Variants in CCNT2 observed in about 807,000 individuals in gnomAD.
CCNT2 encodes the protein cyclin-T2.
In CCNT2, 18 loss-of-function variants were observed where a neutral mutation model predicts 70.0. The observed-to-expected ratio is 0.26, with a 90% confidence interval of 0.18 to 0.38. The LOEUF (loss-of-function observed/expected upper bound fraction) is 0.38. Among genes scored for constraint, CCNT2 ranks in the 10% least tolerant of loss-of-function variants. The probability of loss-of-function intolerance (pLI) is 1.00; values close to 1 mark genes in which losing one functional copy is unlikely to be tolerated. For synonymous variants in CCNT2, 334 were observed against 313.3 expected (o/e 1.07, Z -0.70); for missense variants, 734 against 890.2 (o/e 0.82, Z 2.23).
intron 2 of CCNT2, among the ~76,000 whole-genome samples, chr2:134,921,776 A>G (rs1365543130): frequency 6.6e-6 from 1 of 152,250 alleles, no homozygotes; most frequent in Non-Finnish European, 1.5e-5. Context: ...TTTGCATTCT[A>G]GCTTTCACTA....
chr2:134,953,326 A>G lies in CCNT2; in HGVS notation c.871A>G (p.Ser291Gly). ...GGTCCAGAATTCCATTTTAGTAGAT[A>G]GTGTCACTGGTGTGCCTACAAACCC... is the stretch of plus-strand genomic sequence containing the variant. The part of the protein sequence containing the change: ...SLVQNSILVD[S>G]VTGVPTNPSF... The change falls in exon 9 of 9, where the codon AGT becomes GGT. Residue 291 changes from serine to glycine, a missense_variant. This residue lies in a region of CCNT2 where 532 missense variants were observed against 556.9 expected (regional missense o/e 0.96). Transcript: ENST00000264157. 4 of 1,611,676 alleles carry G rather than the reference A, an allele frequency of 2.5e-6. No individual in the cohort carries two copies. The highest frequency in any genetic ancestry group is 2.5e-6 in the Non-Finnish European group (3 of 1,178,450).
In CCNT2 at chr2:134,944,877, C is replaced by A. The variant is rs1169650364; in HGVS notation, c.494-1224C>A. ...ATGCCTAGGTGAAAACTGCTAATGG[C>A]ATTTTTTAATTATTATTTTTTCCTT... On this transcript the variant is annotated intron_variant, in intron 5 of 8. Coordinates refer to ENST00000264157, the MANE Select transcript of CCNT2 (RefSeq NM_058241.3). The A allele has an allele frequency of 4.1e-6, 4 of 985,054 alleles. No individual in the cohort carries two copies. The African/African-American group carries it at 7.0e-5, about 17-fold the overall frequency. 61.0% of individuals were successfully genotyped at this position (985,054 alleles called of 1,614,324 possible).
At chr2:134,919,050 C>T (rs1196278277) in intron 1 of CCNT2, 38 bp downstream of exon 1, 11 of 1,551,258 alleles carry the variant, frequency 7.1e-6, no homozygotes, top group African/African-American at 4.1e-5. Flanking sequence ...CGCCCTGTTT[C>T]CCTTGCCCGG....
intron 5 of CCNT2, chr2:134,943,045 A>G: frequency 3.0e-6 from 3 of 985,302 alleles, no homozygotes; most frequent in Non-Finnish European, 3.6e-6. Flanking sequence ...TGACTTTTTG[A>G]AAAGTGATAA....
At chr2:134,943,430 G>T in intron 5 of CCNT2, 4 of 985,070 alleles carry the variant, frequency 4.1e-6, no homozygotes, top group Non-Finnish European at 4.8e-6. Flanking sequence ...TGTGGGGGGA[G>T]TGTTTTGCCC....
intron 4 of CCNT2, 131 bp downstream of exon 4, chr2:134,939,193 G>C (rs45618431): frequency 3.1e-6 from 2 of 635,700 alleles, no homozygotes; most frequent in Admixed American, 5.5e-5. Context: ...ACAGAATAAG[G>C]TTGCCTGGTT....
intron 2 of CCNT2, among the ~76,000 whole-genome samples, chr2:134,925,909 G>A (rs1355230607): frequency 1.1e-4 from 15 of 137,566 alleles, no homozygotes; most frequent in Non-Finnish European, 1.8e-4. Context: ...TCTGACACCC[G>A]GGCTGGAGTG....
At chr2:134,935,924 G>A (rs1002804743) in intron 2 of CCNT2, among the ~76,000 whole-genome samples, 14 of 151,986 alleles carry the variant, frequency 9.2e-5, no homozygotes, top group African/African-American at 3.4e-4. Flanking sequence ...CTATAGTTAA[G>A]TAATAGAGAT....
intron 5 of CCNT2, chr2:134,945,723 CTTTGTAT>C (rs1219437561): frequency 3.1e-6 from 4 of 1,282,548 alleles, no homozygotes; most frequent in Non-Finnish European, 3.0e-6. Context: ...GCAGGCAACT[CTTTGTAT>C]TTTGTATTAG....
At chr2:134,945,147 C>T (rs1681857941) in intron 5 of CCNT2, 2 of 985,410 alleles carry the variant, frequency 2.0e-6, no homozygotes, top group African/African-American at 3.5e-5. Context: ...AAACCCCAAT[C>T]CCTTTTGTAA....
intron 7 of CCNT2, among the ~76,000 whole-genome samples, chr2:134,950,640 G>GA (rs915908447): frequency 3.3e-5 from 5 of 149,948 alleles, no homozygotes; most frequent in East Asian, 2.0e-4. Context: ...TGTCTGGGGG[G>GA]AAAAAAAAAG....
chr2:134,930,716 A>G (rs1489441465), intron 2 of CCNT2, among the ~76,000 whole-genome samples: 1 of 151,820 alleles, frequency 6.6e-6, no homozygotes, highest in Non-Finnish European at 1.5e-5. Flanking sequence ...AACAGTGTGA[A>G]ATGATATCCC....
rs60092156 is a variant in CCNT2 at position 134,943,879 on chromosome 2, A to G, written c.493+1205A>G. The G allele has an allele frequency of 1.5e-3, 1,474 of 978,000 alleles. 22 individuals carry two copies. The African/African-American group carries it at 0.025, about 16-fold the overall frequency. 60.6% of individuals were successfully genotyped at this position (978,000 alleles called of 1,614,324 possible). On this transcript the variant is annotated intron_variant, in intron 5 of 8. Coordinates refer to ENST00000264157, the MANE Select transcript of CCNT2 (RefSeq NM_058241.3). Reference sequence around the variant, plus strand: ...TTCATTTACTACCAAGTTTTTTTAGATTTATCCTAAACAAAATGAGTACGA... The same window carrying G: ...TTCATTTACTACCAAGTTTTTTTAGGTTTATCCTAAACAAAATGAGTACGA...
At chr2:134,925,937 C>T (rs940036974) in intron 2 of CCNT2, among the ~76,000 whole-genome samples, 1 of 145,456 alleles carries the variant, frequency 6.9e-6, no homozygotes, top group Non-Finnish European at 1.5e-5. Flanking sequence ...ACAATCATGG[C>T]TCACTGCAGC....
intron 2 of CCNT2, among the ~76,000 whole-genome samples, chr2:134,930,124 C>G (rs1395989420): frequency 6.6e-6 from 1 of 152,122 alleles, no homozygotes; most frequent in Non-Finnish European, 1.5e-5. Flanking sequence ...AAAAAGAAAC[C>G]TGGTTGCTGT....
chr2:134,919,549 T>A (rs1198408949), intron 1 of CCNT2, among the ~76,000 whole-genome samples: 1 of 152,136 alleles, frequency 6.6e-6, no homozygotes, highest in African/African-American at 2.4e-5. Flanking sequence ...GTTTAGTTAG[T>A]CGTAGCCATT....
In CCNT2 at chr2:134,931,260, A is replaced by ATTTTTTTTTTTTT. The variant is rs1351628226; in HGVS notation, c.241-5580_241-5579insTTTTTTTTTTTTT. Among the ~76,000 whole-genome samples the ATTTTTTTTTTTTT allele has an allele frequency of 1.9e-4, 8 of 42,956 alleles. No individual in the cohort carries two copies. In the East Asian group the frequency reaches 5.9e-3, roughly 32 times the overall value. 28.2% of individuals were successfully genotyped at this position (42,956 alleles called of 152,430 possible). A position where few individuals can be genotyped will look rare whatever the true frequency, so the allele number is the denominator to read the frequency against. ...TACAGGCATAAGCCACCATGCCCGG[A>ATTTTTTTTTTTTT]TCTTTTTTTTTTTTTTTTTTTTTTT... is the stretch of plus-strand genomic sequence containing the variant. On this transcript the variant is annotated intron_variant, in intron 2 of 8. Transcript: ENST00000264157.
intron 2 of CCNT2, among the ~76,000 whole-genome samples, chr2:134,927,447 A>G (rs1426522542): frequency 6.6e-6 from 1 of 152,152 alleles, no homozygotes; most frequent in South Asian, 2.1e-4. Context: ...ATCGCATGGC[A>G]GGAGTGCAAG....
intron 5 of CCNT2, 33 bp from the exon 6 acceptor site, chr2:134,946,068 A>G: frequency 6.2e-7 from 1 of 1,608,820 alleles, no homozygotes; most frequent in Non-Finnish European, 8.5e-7. Context: ...TAAGGCTGAT[A>G]GTATTGTCTT....
Sources: allele counts gnomAD v4.1 joint callset (sites outside exome capture counted in the v4.1 genomes callset), GRCh38; gene constraint gnomAD v4.1.1; regional missense constraint gnomAD v4.1.1; transcripts MANE v1.5; gene names NCBI Gene and HGNC (gene_info 2026-07-23, HGNC 2026-07-21).